ADGRL3: variants seen among roughly 807,000 people sequenced by gnomAD.
The protein encoded by ADGRL3 is calcium-independent alpha-latrotoxin receptor 3.
A neutral mutation model predicts 153.5 loss-of-function variants in ADGRL3; 62 were observed. That is an observed-to-expected ratio of 0.40 (90% confidence interval 0.33 to 0.50). The LOEUF (loss-of-function observed/expected upper bound fraction) is 0.50. Ranked by LOEUF, ADGRL3 falls within the 20% of genes least tolerant of loss-of-function variation. The probability of loss-of-function intolerance (pLI) is 0.47; values close to 1 mark genes in which losing one functional copy is unlikely to be tolerated. For synonymous variants in ADGRL3, 710 were observed against 672.5 expected (o/e 1.06, Z -0.86); for missense variants, 1,641 against 1,859.4 (o/e 0.88, Z 2.16).
intron 5 of ADGRL3, among the ~76,000 whole-genome samples, chr4:61,616,401 T>C (rs1173880159): frequency 6.6e-6 from 1 of 152,130 alleles, no homozygotes; most frequent in Admixed American, 6.6e-5. Context: ...ACAATTTCAT[T>C]ACTACTGGAC....
rs188430544 is a variant in ADGRL3, at chr4:61,966,631, T to C, written c.2806-12932T>C. On this transcript the variant is annotated intron_variant, in intron 17 of 26. Coordinates refer to ENST00000683033, the MANE Select transcript of ADGRL3 (RefSeq NM_001387552.1). The stretch of plus-strand genomic sequence containing the variant: ...GAATGAAAACAAACAGGAGAAGTTA[T>C]CCATTTTATCAGAGAATAAGAAAAT... 6.6e-5 allele frequency among the ~76,000 whole-genome samples: 10 copies of C among 151,880 alleles called. No individual in the cohort carries two copies. In the East Asian group the frequency reaches 1.9e-3, roughly 29 times the overall value.
chr4:61,744,576 G>A (rs1049708045), intron 8 of ADGRL3, among the ~76,000 whole-genome samples: 1 of 152,194 alleles, frequency 6.6e-6, no homozygotes, highest in Non-Finnish European at 1.5e-5. Flanking sequence ...CTGTTCTGCA[G>A]CCACCGCTGC....
chr4:61,664,125 G>T (rs1304813431), intron 5 of ADGRL3, among the ~76,000 whole-genome samples: 1 of 152,104 alleles, frequency 6.6e-6, no homozygotes, highest in African/African-American at 2.4e-5. Flanking sequence ...CTAAAAAGAG[G>T]CTCAGTACTG....
rs756409671 is a variant in ADGRL3, at chr4:61,577,821, AAAG to A, written c.260-9403_260-9401del. 6.8e-4 allele frequency among the ~76,000 whole-genome samples: 99 copies of A among 144,656 alleles called. 2 individuals carry two copies. The highest frequency in any genetic ancestry group is 3.5e-3 in the Middle Eastern group (1 of 284). 94.9% of individuals were successfully genotyped at this position (144,656 alleles called of 152,430 possible). A position where few individuals can be genotyped will look rare whatever the true frequency, so the allele number is the denominator to read the frequency against. On this transcript the variant is annotated intron_variant, in intron 4 of 26. Transcript: ENST00000683033. Reference sequence around the variant, plus strand: ...GAGTGGGAGCTTGTCTCTTAAAAAAAAAGAAAAAAAAAGGGTAATGACCAAATT... The same window carrying A: ...GAGTGGGAGCTTGTCTCTTAAAAAAAAAAAAAAAAGGGTAATGACCAAATT...
intron 2 of ADGRL3, among the ~76,000 whole-genome samples, chr4:61,460,146 T>C (rs1434923916): frequency 6.6e-6 from 1 of 152,160 alleles, no homozygotes; most frequent in Non-Finnish European, 1.5e-5. Flanking sequence ...CATAAAATCT[T>C]TGCCTAGACC....
chr4:61,849,277 C>T (rs1257005886), intron 9 of ADGRL3, among the ~76,000 whole-genome samples: 1 of 152,024 alleles, frequency 6.6e-6, no homozygotes, highest in African/African-American at 2.4e-5. Flanking sequence ...GTAAAAGTCA[C>T]AAAGAAAGAG....
At chr4:61,957,774 T>A (rs2098973083) in intron 17 of ADGRL3, among the ~76,000 whole-genome samples, 1 of 152,036 alleles carries the variant, frequency 6.6e-6, no homozygotes, top group Non-Finnish European at 1.5e-5. Context: ...TTTAAATTTA[T>A]GAAAAACATA....
chr4:61,855,635 G>A (rs926595732), intron 9 of ADGRL3, among the ~76,000 whole-genome samples: 1 of 152,060 alleles, frequency 6.6e-6, no homozygotes, highest in Non-Finnish European at 1.5e-5. Context: ...GCTGTTGACA[G>A]GCTTAAATAT....
chr4:61,668,612 C>G (rs1050673459), intron 5 of ADGRL3, among the ~76,000 whole-genome samples: 2 of 152,094 alleles, frequency 1.3e-5, no homozygotes, highest in African/African-American at 4.8e-5. Flanking sequence ...AGAATTGGAG[C>G]TAGAGAATCA....
At chr4:61,405,362 A>G (rs904152887) in intron 2 of ADGRL3, among the ~76,000 whole-genome samples, 6 of 152,000 alleles carry the variant, frequency 3.9e-5, no homozygotes, top group Non-Finnish European at 8.8e-5. Context: ...TGTAACAGGT[A>G]TTATTTGTAG....
At chr4:61,960,835 G>A (rs868063348) in intron 17 of ADGRL3, among the ~76,000 whole-genome samples, 5 of 152,000 alleles carry the variant, frequency 3.3e-5, no homozygotes, top group Middle Eastern at 3.4e-3. Flanking sequence ...TCAGCCTCCC[G>A]AGTAGCTGGG....
At chr4:61,337,616 C>T (rs916087177) in intron 1 of ADGRL3, among the ~76,000 whole-genome samples, 7 of 152,146 alleles carry the variant, frequency 4.6e-5, no homozygotes, top group African/African-American at 1.7e-4. Flanking sequence ...AATGTGTTCA[C>T]TCTGTTTGTA....
chr4:61,833,515 G>A lies in ADGRL3; in HGVS notation c.1480+19626G>A, dbSNP rs980683061. 2.0e-5 allele frequency among the ~76,000 whole-genome samples: 3 copies of A among 152,184 alleles called. No individual in the cohort carries two copies. In the East Asian group the frequency reaches 5.8e-4, roughly 29 times the overall value. The stretch of plus-strand genomic sequence containing the variant: ...GGTCAGGTCAGAGATAAAATCATAG[G>A]GAGTCAAAGCTGTCTTCTCGGATTG... On this transcript the variant is annotated intron_variant, in intron 9 of 26. Transcript: ENST00000683033.
At chr4:62,002,074 A>G (rs2099142393) in intron 21 of ADGRL3, among the ~76,000 whole-genome samples, 1 of 151,806 alleles carries the variant, frequency 6.6e-6, no homozygotes, top group Non-Finnish European at 1.5e-5. Context: ...CTTCAGAATC[A>G]CTGCAGTGGT....
chr4:61,249,329 A>T (rs979821940), intron 1 of ADGRL3, among the ~76,000 whole-genome samples: 2 of 152,200 alleles, frequency 1.3e-5, no homozygotes, highest in Non-Finnish European at 2.9e-5. Context: ...TAGACAGTAC[A>T]GAAATACATT....
intron 19 of ADGRL3, among the ~76,000 whole-genome samples, chr4:61,987,101 T>C (rs1207571696): frequency 7.9e-6 from 1 of 125,930 alleles, no homozygotes; most frequent in Admixed American, 9.4e-5. Flanking sequence ...CTGTTGTATA[T>C]TGCTTTTATT....
At chr4:61,730,593 T>C in intron 6 of ADGRL3, 29 bp from the exon 7 acceptor site, 1 of 502,384 alleles carries the variant, frequency 2.0e-6, no homozygotes, top group Non-Finnish European at 3.5e-6. Flanking sequence ...CTTTTCTCCT[T>C]TCTCTCTTTA....
At chr4:61,744,265 G>A (rs1312114016) in intron 8 of ADGRL3, among the ~76,000 whole-genome samples, 1 of 152,190 alleles carries the variant, frequency 6.6e-6, no homozygotes, top group African/African-American at 2.4e-5. Context: ...TGCCTCTGTA[G>A]ACTCCACCTC....
chr4:61,463,861 A>G (rs912338764), intron 2 of ADGRL3, among the ~76,000 whole-genome samples: 1 of 152,182 alleles, frequency 6.6e-6, no homozygotes, highest in Non-Finnish European at 1.5e-5. Flanking sequence ...ATCACAACAT[A>G]CACAGTGAAT....
Sources: gnomAD v4.1 joint callset for allele counts (sites outside exome capture counted in the v4.1 genomes callset) on GRCh38, gnomAD v4.1.1 for gene constraint, MANE v1.5 for transcripts, NCBI Gene and HGNC (gene_info 2026-07-23, HGNC 2026-07-21) for gene names.